Variants in ATP6V0A1 observed in about 807,000 individuals in gnomAD.
ATP6V0A1 encodes the protein V-type proton ATPase 116 kDa subunit a 1.
ATP6V0A1 carries 43 observed loss-of-function variants against 105.4 expected under a neutral mutation model. The observed-to-expected ratio is 0.41, with a 90% CI of 0.32 to 0.53. The LOEUF (loss-of-function observed/expected upper bound fraction) is 0.53. Ranked by LOEUF, ATP6V0A1 falls within the 20% of genes least tolerant of loss-of-function variation. The pLI, the probability that ATP6V0A1 is intolerant of heterozygous loss-of-function variation, is 0.30. For missense variants in ATP6V0A1, 676 were observed against 1,051.1 expected (o/e 0.64, Z 4.93); for synonymous variants, 362 against 372.8 (o/e 0.97, Z 0.33).
At chr17:42,475,871 G>C (rs919431725) in intron 5 of ATP6V0A1, among the ~76,000 whole-genome samples, 6 of 152,194 alleles carry the variant, frequency 3.9e-5, no homozygotes, top group African/African-American at 1.4e-4. Flanking sequence ...GAGAGTCCTA[G>C]ATAGAGTCTT....
At chr17:42,471,421 C>CA (rs543931458) in intron 5 of ATP6V0A1, 18,257 of 88,040 alleles carry the variant, frequency 0.21, 1,758 homozygotes, top group Non-Finnish European at 0.28. Flanking sequence ...GACTCTGTCT[C>CA]AAAAAAAAAA....
chr17:42,472,128 A>G (rs1000509839), intron 5 of ATP6V0A1, among the ~76,000 whole-genome samples: 1 of 142,364 alleles, frequency 7.0e-6, no homozygotes, highest in Non-Finnish European at 1.5e-5. Flanking sequence ...ATCTTAGCTC[A>G]CTGCAACCTC....
At chr17:42,495,495 T>A (rs2091068884) in intron 13 of ATP6V0A1, 131 bp from the exon 14 acceptor site, 3 of 749,778 alleles carry the variant, frequency 4.0e-6, no homozygotes, top group Non-Finnish European at 6.5e-6. Flanking sequence ...GTCTCTCCTC[T>A]TTATTTTTCC....
At chr17:42,491,017 G>A (rs1477901162) in intron 11 of ATP6V0A1, among the ~76,000 whole-genome samples, 2 of 152,072 alleles carry the variant, frequency 1.3e-5, no homozygotes, top group African/African-American at 4.8e-5. Context: ...GTGTCACCAT[G>A]CCTGGCTAAT....
At chr17:42,516,763 T>G (rs2146340103) in intron 21 of ATP6V0A1, among the ~76,000 whole-genome samples, 1 of 152,342 alleles carries the variant, frequency 6.6e-6, no homozygotes, top group East Asian at 1.9e-4. Context: ...CCTCCCCGTG[T>G]CTTCCCAGGT....
At chr17:42,500,679 T>G (rs780727742) in intron 15 of ATP6V0A1, 28 bp from the exon 16 acceptor site, 1 of 1,580,278 alleles carries the variant, frequency 6.3e-7, no homozygotes, top group East Asian at 2.2e-5. Flanking sequence ...CCATTTACCC[T>G]TAACATTTTT....
At position 42,491,725 on chromosome 17, in the gene ATP6V0A1, T is replaced by C. The variant is rs190081994; in HGVS notation, c.1174+1088T>C. ...CTCTAACTCCTGACTTCAGGTGATC[T>C]GCCTGCCTCTGCCTCCCCAAGTGCT... On this transcript the variant is annotated intron_variant, in intron 11 of 21. Transcript: ENST00000343619. Among the ~76,000 whole-genome samples, 243 of 152,202 alleles carry C rather than the reference T, an allele frequency of 1.6e-3. 2 individuals are homozygous for C. Among genetic ancestry groups the C allele is most frequent in the East Asian group, 0.014 (71 of 5,150 alleles).
intron 1 of ATP6V0A1, among the ~76,000 whole-genome samples, chr17:42,459,708 G>A (rs1349926351): frequency 6.6e-6 from 1 of 152,178 alleles, no homozygotes; most frequent in African/African-American, 2.4e-5. Flanking sequence ...GGATGATTCA[G>A]ATGTACAGAA....
In ATP6V0A1 at chr17:42,483,063, C is replaced by T; in HGVS notation, c.742C>T (p.Pro248Ser). ...GTTCCGAGCCTCACTCTATCCCTGT[C>T]CTGAGACACCACAGGAGAGGAAGGA... ...EGFRASLYPCPETPQERKEMA... is the reference protein window; with the variant it reads ...EGFRASLYPCSETPQERKEMA... Residue 248 changes from proline (P) to serine (S), a missense_variant, in exon 9 of 22, where the codon CCT becomes TCT. Around this residue, in one of 3 missense-constraint regions of ATP6V0A1, gnomAD observed 239 missense variants for 388.4 expected, o/e 0.62. Transcript: ENST00000343619. The T allele has an allele frequency of 6.4e-7, 1 of 1,565,374 alleles. No homozygotes were observed.
chr17:42,512,899 C>CG (rs34505615), intron 19 of ATP6V0A1, among the ~76,000 whole-genome samples: 1 of 152,206 alleles, frequency 6.6e-6, no homozygotes, highest in Non-Finnish European at 1.5e-5. Context: ...CTGGGCTCTG[C>CG]GGGGGGAAGC....
intron 2 of ATP6V0A1, among the ~76,000 whole-genome samples, chr17:42,464,025 T>C (rs137925649): frequency 3.9e-5 from 6 of 152,274 alleles, no homozygotes; most frequent in African/African-American, 1.4e-4. Context: ...TTGGTCTTAC[T>C]GTCTCAGGCT....
intron 11 of ATP6V0A1, among the ~76,000 whole-genome samples, chr17:42,492,332 G>T (rs969118908): frequency 6.6e-6 from 1 of 152,052 alleles, no homozygotes; most frequent in African/African-American, 2.4e-5. Context: ...TCATGCCACT[G>T]CACTCCAGCT....
intron 9 of ATP6V0A1, among the ~76,000 whole-genome samples, chr17:42,486,188 G>A (rs1383166164): frequency 2.0e-5 from 3 of 152,218 alleles, no homozygotes; most frequent in Non-Finnish European, 1.5e-5. Flanking sequence ...CGAGGTGGGT[G>A]GATCACGATG....
rs1226977831 is a variant in ATP6V0A1 at position 42,521,242 on chromosome 17, G to GT, written c.*123dup. 2 of 848,762 alleles carry GT rather than the reference G, an allele frequency of 2.4e-6. No homozygotes were observed. Among genetic ancestry groups the GT allele is most frequent in the Non-Finnish European group, 3.6e-6 (2 of 557,698 alleles). 52.6% of individuals were successfully genotyped at this position (848,762 alleles called of 1,614,324 possible). ...CCAGCTCATTCGTGTCACCCTGTCT[G>GT]TGAGTCATTTAGATAGAATAGTCCT... On this transcript the variant is annotated 3_prime_UTR_variant, in exon 22 of 22. Transcript: ENST00000343619. This position sits in a 1 kb window ranked among gnomAD's most constrained non-coding sequence, Gnocchi z 4.8.
In ATP6V0A1 at chr17:42,494,447, A is replaced by C; in HGVS notation, c.1288A>C (p.Ile430Leu). Reference protein sequence around the residue: ...AVWMVLRESRILSQKNENEMF... With the variant: ...AVWMVLRESRLLSQKNENEMF... The stretch of plus-strand genomic sequence containing the variant: ...GTGGATGGTACTGAGGGAGAGCCGG[A>C]TCCTTTCCCAGAAGAATGAGAATGA... The change falls in exon 12 of 22, where the codon ATC (isoleucine) becomes CTC (leucine). Residue 430 changes from isoleucine (I) to leucine (L), a missense_variant. By Grantham distance (5) the Ile-to-Leu change is conservative (BLOSUM62 2). This residue lies in a region of ATP6V0A1 where 435 missense variants were observed against 642.2 expected (regional missense o/e 0.68). Transcript: ENST00000343619. 3 of 1,613,460 alleles carry C rather than the reference A, an allele frequency of 1.9e-6. No homozygotes were observed. Among genetic ancestry groups the C allele is most frequent in the Non-Finnish European group, 1.7e-6 (2 of 1,179,742 alleles).
rs572000649 is a variant in ATP6V0A1, at chr17:42,514,612, G to A, written c.2420+152G>A. The A allele has an allele frequency of 3.3e-4, 255 of 783,902 alleles. 1 individual carries two copies. Among genetic ancestry groups the A allele is most frequent in the Admixed American group, 2.2e-3 (61 of 27,680 alleles). 48.6% of individuals were successfully genotyped at this position (783,902 alleles called of 1,614,324 possible). ...CTTCACCTCAGGACACCCCAGCACC[G>A]GCATTGCCACAGAGTTTCGGAAAAT... On this transcript the variant is annotated intron_variant, in intron 21 of 21. Transcript: ENST00000343619.
intron 10 of ATP6V0A1, among the ~76,000 whole-genome samples, chr17:42,487,950 T>C (rs1348537145): frequency 6.6e-6 from 1 of 152,188 alleles, no homozygotes; most frequent in Non-Finnish European, 1.5e-5. Context: ...AATTTGGTCA[T>C]ATGCCCATGA....
intron 5 of ATP6V0A1, among the ~76,000 whole-genome samples, chr17:42,474,942 G>T (rs1036744751): frequency 6.6e-6 from 1 of 152,224 alleles, no homozygotes; most frequent in African/African-American, 2.4e-5. Flanking sequence ...AAAATGACTT[G>T]TTAATGATTA....
intron 19 of ATP6V0A1, among the ~76,000 whole-genome samples, chr17:42,512,274 G>A (rs570551539): frequency 1.3e-5 from 2 of 152,330 alleles, no homozygotes; most frequent in African/African-American, 4.8e-5. Context: ...TGGAAGCGAG[G>A]CTTCTCTCCT....
Sources: allele counts gnomAD v4.1 joint callset (sites outside exome capture counted in the v4.1 genomes callset), GRCh38; gene constraint gnomAD v4.1.1; regional missense constraint gnomAD v4.1.1; non-coding constraint Gnocchi (gnomAD v3.1); transcripts MANE v1.5; gene names NCBI Gene and HGNC (gene_info 2026-07-23, HGNC 2026-07-21).